Variants in UNC13C observed in about 807,000 individuals in gnomAD.
UNC13C encodes unc-13 homolog C, also known as protein unc-13 homolog C.
A neutral mutation model predicts 245.4 loss-of-function variants in UNC13C; 174 were observed. The observed-to-expected ratio is 0.71, with a 90% CI of 0.63 to 0.80. The LOEUF (loss-of-function observed/expected upper bound fraction) is 0.80. Ranked by LOEUF, UNC13C falls within the 30% of genes least tolerant of loss-of-function variation. The pLI is 0.00. For missense variants in UNC13C, 2,829 were observed against 2,602.9 expected, an observed-to-expected ratio of 1.09 and a Z score of -1.89; for synonymous variants, 992 against 895.1, an observed-to-expected ratio of 1.11 and a Z score of -1.93.
the UNC13C span, among the ~76,000 whole-genome samples, chr15:53,876,299 A>G: frequency 2.6e-5 from 4 of 152,312 alleles, no homozygotes; most frequent in Non-Finnish European, 2.9e-5. Flanking sequence ...AACTTCCATT[A>G]TATTTCAGGG....
At chr15:54,110,640 A>G (rs1032512143) in intron 2 of UNC13C, among the ~76,000 whole-genome samples, 6 of 152,220 alleles carry the variant, frequency 3.9e-5, no homozygotes, top group Non-Finnish European at 8.8e-5. Context: ...TAGCTATATG[A>G]TGTCTTTTTG....
At chr15:54,347,529 A>T (rs1001818489) in intron 17 of UNC13C, among the ~76,000 whole-genome samples, 3 of 152,230 alleles carry the variant, frequency 2.0e-5, no homozygotes, top group African/African-American at 7.2e-5. Flanking sequence ...GGGACTTTTT[A>T]AAATCTTATT....
chr15:54,304,706 T>C (rs932369839), intron 13 of UNC13C, among the ~76,000 whole-genome samples: 1 of 151,154 alleles, frequency 6.6e-6, no homozygotes, highest in African/African-American at 2.4e-5. Flanking sequence ...TGCAGTAGCC[T>C]TAATGAAAAT....
At chr15:54,277,904 T>G (rs2036875521) in intron 10 of UNC13C, among the ~76,000 whole-genome samples, 1 of 152,194 alleles carries the variant, frequency 6.6e-6, no homozygotes, top group East Asian at 1.9e-4. Context: ...ATTGATGAAC[T>G]GGCACTCCAG....
chr15:54,525,700 G>A, intron 25 of UNC13C, 63 bp downstream of exon 25: 1 of 1,333,238 alleles, frequency 7.5e-7, no homozygotes, highest in Non-Finnish European at 1.1e-6. Context: ...TGATATTCTT[G>A]CCTTCAATGC....
At chr15:54,057,175 A>G (rs1388718262) in intron 2 of UNC13C, among the ~76,000 whole-genome samples, 2 of 152,216 alleles carry the variant, frequency 1.3e-5, no homozygotes, top group African/African-American at 4.8e-5. Flanking sequence ...CAAATTGATT[A>G]AAGAGTCAAG....
chr15:54,626,393 T>C (rs1051341268), intron 32 of UNC13C, among the ~76,000 whole-genome samples: 3 of 150,490 alleles, frequency 2.0e-5, no homozygotes, highest in Non-Finnish European at 4.4e-5. Flanking sequence ...CTCCTAGATA[T>C]AATAGCTTAT....
chr15:53,866,622 A>C, the UNC13C span, among the ~76,000 whole-genome samples: 1 of 152,204 alleles, frequency 6.6e-6, no homozygotes, highest in Non-Finnish European at 1.5e-5. Context: ...ACCCGCAGGC[A>C]CCAGATCCAA....
the UNC13C span, among the ~76,000 whole-genome samples, chr15:53,933,375 TAAA>T: frequency 1.3e-5 from 2 of 152,164 alleles, no homozygotes; most frequent in African/African-American, 4.8e-5. Context: ...ATATATATCT[TAAA>T]AACTGTCAAC....
At chr15:54,118,131 C>T (rs1015909919) in intron 2 of UNC13C, among the ~76,000 whole-genome samples, 1 of 151,736 alleles carries the variant, frequency 6.6e-6, no homozygotes, top group African/African-American at 2.4e-5. Context: ...ATTGCTTTGG[C>T]CTTTTGAGTT....
At chr15:54,320,855 C>A in intron 13 of UNC13C, 1 of 322,808 alleles carries the variant, frequency 3.1e-6, no homozygotes, top group South Asian at 2.8e-5. Flanking sequence ...AGTTTCTACC[C>A]TTCATTCATC....
At chr15:54,039,156 A>G (rs1029706625) in intron 2 of UNC13C, among the ~76,000 whole-genome samples, 1 of 152,244 alleles carries the variant, frequency 6.6e-6, no homozygotes, top group African/African-American at 2.4e-5. Context: ...GTCCAGTCTC[A>G]TCGAGATTGT....
At chr15:53,958,077 C>G in the UNC13C span, among the ~76,000 whole-genome samples, 1 of 152,036 alleles carries the variant, frequency 6.6e-6, no homozygotes, top group African/African-American at 2.4e-5. Flanking sequence ...TAACTTGTTT[C>G]ACATCTAAAT....
chr15:54,029,707 A>C (rs193068726), intron 2 of UNC13C, among the ~76,000 whole-genome samples: 2 of 152,342 alleles, frequency 1.3e-5, no homozygotes, highest in Admixed American at 1.3e-4. Flanking sequence ...GACAGAGGTG[A>C]GCACTTTGCA....
chr15:53,921,300 T>C, the UNC13C span, among the ~76,000 whole-genome samples: 2 of 152,226 alleles, frequency 1.3e-5, no homozygotes, highest in African/African-American at 4.8e-5. Flanking sequence ...GCCTTCAAAG[T>C]TGCTTTGTGG....
intron 18 of UNC13C, among the ~76,000 whole-genome samples, chr15:54,393,795 T>A (rs1341079210): frequency 6.6e-6 from 1 of 151,844 alleles, no homozygotes; most frequent in Non-Finnish European, 1.5e-5. Flanking sequence ...CTAATTTCCC[T>A]GGGTCTCAAT....
intron 8 of UNC13C, among the ~76,000 whole-genome samples, chr15:54,262,776 C>A (rs1416851234): frequency 2.0e-5 from 3 of 151,978 alleles, no homozygotes; most frequent in African/African-American, 7.2e-5. Context: ...ATATTCATAT[C>A]TTTTAGCTTC....
chr15:54,034,107 C>A lies in UNC13C; in HGVS notation c.2983+18221C>A, dbSNP rs180940837. Among the ~76,000 whole-genome samples the A allele has an allele frequency of 1.2e-3, 188 of 152,292 alleles. 1 individual carries two copies. The highest frequency in any genetic ancestry group is 4.4e-3 in the African/African-American group (182 of 41,568). ...CTTGCTGTCTGTCCCAGGAGGCTGA[C>A]CCCTGTGTATTGGATCACCCAGCCT... On this transcript the variant is annotated intron_variant, in intron 2 of 32. Transcript: ENST00000260323.
intron 30 of UNC13C, among the ~76,000 whole-genome samples, chr15:54,595,769 G>GAATTCTTGGACAGCTTCTATTT (rs1899044154): frequency 2.0e-5 from 3 of 152,194 alleles, no homozygotes; most frequent in Admixed American, 6.5e-5. Context: ...AAATAATTCA[G>GAATTCTTGGACAGCTTCTATTT]AATTCTTGGA....
Sources: gnomAD v4.1 joint callset for allele counts (sites outside exome capture counted in the v4.1 genomes callset) on GRCh38, gnomAD v4.1.1 for gene constraint, MANE v1.5 for transcripts, NCBI Gene and HGNC (gene_info 2026-07-23, HGNC 2026-07-21) for gene names.